Variants in ATP9B observed in about 807,000 individuals in gnomAD.
ATP9B encodes the protein probable phospholipid-transporting ATPase IIB.
Under a neutral mutation model 146.1 loss-of-function variants are expected in ATP9B, and 110 were observed. The observed-to-expected ratio is 0.75, with a 90% CI of 0.65 to 0.88. The LOEUF is 0.88. Among genes scored for constraint, ATP9B ranks in the 40% least tolerant of loss-of-function variants. The probability of loss-of-function intolerance (pLI) is 0.00; values close to 1 mark genes in which losing one functional copy is unlikely to be tolerated. For synonymous variants in ATP9B, 604 were observed against 569.7 expected, an observed-to-expected ratio of 1.06 and a Z score of -0.86; for missense variants, 1,499 against 1,496.4, an observed-to-expected ratio of 1.00 and a Z score of -0.03.
intron 4 of ATP9B, chr18:79,117,210 T>A (rs1412620235): frequency 6.6e-6 from 1 of 152,202 alleles, no homozygotes; most frequent in Non-Finnish European, 1.5e-5. Context: ...AATATTGAGC[T>A]CCTTCATGTC....
At chr18:79,102,205 C>T (rs934713373) in intron 2 of ATP9B, among the ~76,000 whole-genome samples, 3 of 152,184 alleles carry the variant, frequency 2.0e-5, no homozygotes, top group African/African-American at 7.2e-5. Flanking sequence ...AGAGACTTCA[C>T]TGGATCCAGT....
chr18:79,319,806 G>A (rs1452875594), intron 15 of ATP9B, among the ~76,000 whole-genome samples: 1 of 152,212 alleles, frequency 6.6e-6, no homozygotes, highest in Admixed American at 6.5e-5. Flanking sequence ...ATAAAGTCCT[G>A]AAGCAAATAT....
At chr18:79,132,315 G>C (rs1362694814) in intron 5 of ATP9B, among the ~76,000 whole-genome samples, 1 of 152,198 alleles carries the variant, frequency 6.6e-6, no homozygotes, top group Admixed American at 6.5e-5. Flanking sequence ...TGTCAATAAT[G>C]ATAATGATAG....
At chr18:79,133,817 G>GC (rs2094413556) in intron 5 of ATP9B, among the ~76,000 whole-genome samples, 1 of 152,118 alleles carries the variant, frequency 6.6e-6, no homozygotes, top group Non-Finnish European at 1.5e-5. Context: ...ACTGAGGTCT[G>GC]CCCCCCGCAG....
chr18:79,200,766 G>GTCA (rs1568388950), intron 9 of ATP9B, among the ~76,000 whole-genome samples: 134 of 3,738 alleles, frequency 0.036, no homozygotes, highest in African/African-American at 0.076. Flanking sequence ...TGGGAACGTT[G>GTCA]GGGTCAGAGC....
At chr18:79,296,493 G>A (rs2096548775) in intron 13 of ATP9B, among the ~76,000 whole-genome samples, 1 of 152,070 alleles carries the variant, frequency 6.6e-6, no homozygotes, top group South Asian at 2.1e-4. Flanking sequence ...TCAATAACGA[G>A]GTAAAAAACA....
At chr18:79,143,157 C>A (rs2094534361) in intron 5 of ATP9B, among the ~76,000 whole-genome samples, 1 of 152,014 alleles carries the variant, frequency 6.6e-6, no homozygotes, top group African/African-American at 2.4e-5. Flanking sequence ...TTACGTGTGT[C>A]TCAAATTATG....
At chr18:79,268,288 TGG>T (rs1456917447) in intron 12 of ATP9B, among the ~76,000 whole-genome samples, 4 of 152,178 alleles carry the variant, frequency 2.6e-5, no homozygotes, top group African/African-American at 9.6e-5. Context: ...ATCTTGTAAT[TGG>T]TTTAATTTTT....
At chr18:79,318,842 C>G (rs557572652) in intron 15 of ATP9B, among the ~76,000 whole-genome samples, 1 of 152,182 alleles carries the variant, frequency 6.6e-6, no homozygotes. Flanking sequence ...ATGGAAGACA[C>G]AGGGTCACTG....
intron 6 of ATP9B, chr18:79,147,035 A>G (rs920614917): frequency 1.3e-5 from 2 of 152,234 alleles, no homozygotes; most frequent in African/African-American, 4.8e-5. Flanking sequence ...ATGTAAAATT[A>G]AACAAAAGTA....
chr18:79,183,373 C>A (rs2095271277), intron 8 of ATP9B, among the ~76,000 whole-genome samples: 1 of 152,124 alleles, frequency 6.6e-6, no homozygotes, highest in Non-Finnish European at 1.5e-5. Flanking sequence ...ATCAATTAAT[C>A]TTTCACTGTT....
intron 5 of ATP9B, among the ~76,000 whole-genome samples, chr18:79,129,127 C>G (rs2094336097): frequency 6.6e-6 from 1 of 152,118 alleles, no homozygotes; most frequent in East Asian, 1.9e-4. Flanking sequence ...AAATGTAGCG[C>G]CATTTCTCAA....
intron 1 of ATP9B, chr18:79,086,435 CA>C (rs56268434): frequency 1.1e-4 from 7 of 63,482 alleles, no homozygotes; most frequent in African/African-American, 3.4e-4. Flanking sequence ...GGCTCTATCT[CA>C]AAAAAAAAAA....
At chr18:79,291,910 C>G (rs1201186163) in intron 13 of ATP9B, among the ~76,000 whole-genome samples, 1 of 152,232 alleles carries the variant, frequency 6.6e-6, no homozygotes, top group East Asian at 1.9e-4. Flanking sequence ...CTTCCATCGC[C>G]CGTGCCCCAG....
chr18:79,113,520 A>AG (rs2094010054), intron 4 of ATP9B, among the ~76,000 whole-genome samples, 166 bp downstream of exon 4: 1 of 152,256 alleles, frequency 6.6e-6, no homozygotes, highest in Admixed American at 6.5e-5. Flanking sequence ...AGTCCCTCTG[A>AG]GAACCATGGG....
rs771485807 is a variant in ATP9B, at chr18:79,345,572, G to A, written c.2617G>A (p.Gly873Ser). 6 of 1,606,766 alleles carry A rather than the reference G, an allele frequency of 3.7e-6. No individual in the cohort carries two copies. The highest frequency in any genetic ancestry group is 3.3e-5 in the South Asian group (3 of 91,054). Reference protein sequence around the residue: ...QHTGRRTCAIGDGGNDVSMIQ... With the variant: ...QHTGRRTCAISDGGNDVSMIQ... Reference sequence around the variant, plus strand: ...CACAGGGAGACGCACCTGCGCCATCGGTGAGAGCCGCCCACCCTGCTCACA... The same window carrying A: ...CACAGGGAGACGCACCTGCGCCATCAGTGAGAGCCGCCCACCCTGCTCACA... The change falls in exon 22 of 30, where the codon GGT becomes AGT. Residue 873 changes from glycine to serine, a missense_variant and splice_region_variant. Physicochemically the swap from Gly to Ser is moderately conservative, Grantham distance 56. Transcript: ENST00000426216.
intron 4 of ATP9B, among the ~76,000 whole-genome samples, chr18:79,124,371 A>G (rs913530764): frequency 1.3e-5 from 2 of 152,272 alleles, no homozygotes; most frequent in African/African-American, 4.8e-5. Flanking sequence ...ATCTAAAAAA[A>G]GAATACAGTG....
intron 2 of ATP9B, among the ~76,000 whole-genome samples, chr18:79,098,939 C>T (rs1032431878): frequency 2.0e-5 from 3 of 152,100 alleles, no homozygotes; most frequent in South Asian, 2.1e-4. Context: ...TGTGTTTCCT[C>T]GAAGTTAAAC....
intron 26 of ATP9B, among the ~76,000 whole-genome samples, chr18:79,369,575 A>G (rs2147971260): frequency 6.8e-6 from 1 of 148,036 alleles, no homozygotes; most frequent in Non-Finnish European, 1.5e-5. Context: ...TATACTGAGG[A>G]GGTAGGCTGG....
Sources: gnomAD v4.1 joint callset for allele counts (sites outside exome capture counted in the v4.1 genomes callset) on GRCh38, gnomAD v4.1.1 for gene constraint, MANE v1.5 for transcripts, NCBI Gene and HGNC (gene_info 2026-07-23, HGNC 2026-07-21) for gene names.